EXOC2: variants seen among roughly 807,000 people sequenced by gnomAD.
EXOC2 encodes SEC5-like 1.
A neutral mutation model predicts 131.8 loss-of-function variants in EXOC2; 70 were observed. That is an observed-to-expected ratio of 0.53 (90% CI 0.44 to 0.65). The LOEUF is 0.65. EXOC2 is among the 30% of genes least tolerant of loss of function. EXOC2 has a pLI of 0.00. For synonymous variants in EXOC2, 411 were observed against 398.4 expected (o/e 1.03, Z -0.38); for missense variants, 923 against 1,108.6 (o/e 0.83, Z 2.38).
rs569895307 is a variant in EXOC2 at position 506,593 on chromosome 6, C to T, written c.2381-6893G>A. Among the ~76,000 whole-genome samples the T allele has an allele frequency of 2.0e-5, 3 of 152,268 alleles. No individual in the cohort carries two copies. Among genetic ancestry groups the T allele is most frequent in the African/African-American group, 7.2e-5 (3 of 41,552 alleles). On this transcript the variant is annotated intron_variant, in intron 23 of 27. Transcript: ENST00000230449. This position sits in a 1 kb window ranked among gnomAD's most constrained non-coding sequence, Gnocchi z 4.4. Reference sequence around the variant, plus strand: ...TCTAAGCATTTACAACATGTATCTCCTCCACTGTCTGAATATGAAATTAGA... The same window carrying T: ...TCTAAGCATTTACAACATGTATCTCTTCCACTGTCTGAATATGAAATTAGA...
chr6:596,335 C>T (rs1337081590), intron 10 of EXOC2, among the ~76,000 whole-genome samples: 9 of 151,852 alleles, frequency 5.9e-5, no homozygotes, highest in African/African-American at 2.2e-4. Flanking sequence ...CACACTTGCA[C>T]ACACAGCAGC....
In EXOC2 at chr6:488,997, G is replaced by C. The variant is rs773761558; in HGVS notation, c.2663C>G (p.Ser888Cys). The part of the protein sequence containing the change: ...KQALEALPQL[S>C]SGADKKLLEE... Reference sequence around the variant, plus strand: ...GACTTACTTTTTATCTGCTCCACTGGAAAGCTGGGGCAGGGCTTCCAAAGC... The same window carrying C: ...GACTTACTTTTTATCTGCTCCACTGCAAAGCTGGGGCAGGGCTTCCAAAGC... Residue 888 changes from serine to cysteine, a missense_variant, in exon 27 of 28, where the codon TCC becomes TGC. Transcript: ENST00000230449. 1.2e-6 allele frequency: 2 copies of C among 1,613,862 alleles called. No individual in the cohort carries two copies. The highest frequency in any genetic ancestry group is 1.7e-6 in the Non-Finnish European group (2 of 1,179,914).
chr6:626,898 CT>C, intron 4 of EXOC2, among the ~76,000 whole-genome samples: 1 of 152,130 alleles, frequency 6.6e-6, no homozygotes. Context: ...CGGCCGCAAA[CT>C]TTTTTAAGTA....
chr6:525,895 T>C (rs900540074), intron 23 of EXOC2, among the ~76,000 whole-genome samples: 2 of 152,226 alleles, frequency 1.3e-5, no homozygotes, highest in African/African-American at 4.8e-5. Context: ...ATGCATTTAC[T>C]TATCCATCTA....
At position 646,072 on chromosome 6, in the gene EXOC2, T is replaced by C. The variant is rs145826385; in HGVS notation, c.-43-8211A>G. Reference sequence around the variant, plus strand: ...GTCTGATCATCCCTGTTGATTTGATTTGGGTTATGTATCTTTCACAGGGAC... The same window carrying C: ...GTCTGATCATCCCTGTTGATTTGATCTGGGTTATGTATCTTTCACAGGGAC... On this transcript the variant is annotated intron_variant, in intron 1 of 27. Coordinates refer to ENST00000230449, the MANE Select transcript of EXOC2 (RefSeq NM_018303.6). 4.6e-5 allele frequency among the ~76,000 whole-genome samples: 7 copies of C among 152,354 alleles called. No homozygotes were observed. The East Asian group carries it at 9.6e-4, about 21-fold the overall frequency.
chr6:637,139 C>G (rs771003513), intron 2 of EXOC2, among the ~76,000 whole-genome samples: 14 of 118,188 alleles, frequency 1.2e-4, no homozygotes, highest in Non-Finnish European at 3.8e-5. Context: ...TGAGCTTAAA[C>G]TCCGCTAGAA....
intron 11 of EXOC2, among the ~76,000 whole-genome samples, chr6:582,154 G>C: frequency 6.6e-6 from 1 of 152,012 alleles, no homozygotes. Flanking sequence ...ATTATACCTA[G>C]AATTCTGTAG....
intron 25 of EXOC2, among the ~76,000 whole-genome samples, chr6:495,625 A>AT (rs1449928437): frequency 6.6e-6 from 1 of 152,186 alleles, no homozygotes; most frequent in African/African-American, 2.4e-5. Flanking sequence ...GCTCTTCCCT[A>AT]AGCAGTTGCT....
chr6:609,574 C>T (rs1760610256), intron 7 of EXOC2, among the ~76,000 whole-genome samples: 1 of 152,112 alleles, frequency 6.6e-6, no homozygotes, highest in Non-Finnish European at 1.5e-5. Context: ...AGCCATTTTC[C>T]CTGGGCCTAT....
intron 4 of EXOC2, among the ~76,000 whole-genome samples, chr6:623,410 G>A (rs922716144): frequency 6.6e-6 from 1 of 152,188 alleles, no homozygotes; most frequent in African/African-American, 2.4e-5. Flanking sequence ...TCTTACTGAA[G>A]ACATTAAAAC....
At chr6:562,726 A>C in intron 17 of EXOC2, 58 bp downstream of exon 17, 1 of 1,226,922 alleles carries the variant, frequency 8.2e-7, no homozygotes, top group Admixed American at 2.4e-5. Context: ...TTAATATGAT[A>C]AACTATTTAT....
intron 10 of EXOC2, among the ~76,000 whole-genome samples, chr6:595,471 T>C (rs1759758969): frequency 6.6e-6 from 1 of 152,072 alleles, no homozygotes; most frequent in Admixed American, 6.5e-5. Context: ...ATACATAAAC[T>C]ATTGTTGACT....
intron 10 of EXOC2, among the ~76,000 whole-genome samples, chr6:595,210 C>T (rs1025909263): frequency 6.6e-6 from 1 of 151,964 alleles, no homozygotes; most frequent in East Asian, 1.9e-4. Context: ...AACAGTAAGA[C>T]AATATAGTGG....
At chr6:486,849 G>GC in intron 27 of EXOC2, 85 bp from the exon 28 acceptor site, 1 of 1,022,420 alleles carries the variant, frequency 9.8e-7, no homozygotes. Flanking sequence ...CCAGTGCCCG[G>GC]CTCTGCCTGG....
At chr6:687,171 C>CTTTTCTTTTT (rs1764696891) in intron 1 of EXOC2, among the ~76,000 whole-genome samples, 1 of 78,360 alleles carries the variant, frequency 1.3e-5, no homozygotes, top group Non-Finnish European at 2.2e-5. Context: ...AAATAATATT[C>CTTTTCTTTTT]TTTTTTTTTT....
intron 11 of EXOC2, among the ~76,000 whole-genome samples, chr6:589,463 ACCT>A (rs755431159): frequency 6.6e-6 from 1 of 152,144 alleles, no homozygotes; most frequent in Non-Finnish European, 1.5e-5. Context: ...CTGAGATTTC[ACCT>A]CCTCTAGAAA....
At chr6:569,295 A>G (rs886532142) in intron 13 of EXOC2, among the ~76,000 whole-genome samples, 6 of 152,220 alleles carry the variant, frequency 3.9e-5, no homozygotes, top group African/African-American at 1.4e-4. Flanking sequence ...TTTCCTGCAC[A>G]CGCAGACCAA....
intron 1 of EXOC2, among the ~76,000 whole-genome samples, chr6:683,520 A>G (rs1383022555): frequency 6.6e-6 from 1 of 152,240 alleles, no homozygotes; most frequent in African/African-American, 2.4e-5. Context: ...TATAATAACT[A>G]TGGTAAACAG....
intron 12 of EXOC2, among the ~76,000 whole-genome samples, chr6:573,719 A>C (rs1758420749): frequency 6.6e-6 from 1 of 151,872 alleles, no homozygotes; most frequent in East Asian, 1.9e-4. Context: ...ATAATTTATT[A>C]ATGATTTAAT....
Sources: allele counts gnomAD v4.1 joint callset (sites outside exome capture counted in the v4.1 genomes callset), GRCh38; gene constraint gnomAD v4.1.1; non-coding constraint Gnocchi (gnomAD v3.1); transcripts MANE v1.5; gene names NCBI Gene and HGNC (gene_info 2026-07-23, HGNC 2026-07-21).